AFF3: variants seen among roughly 807,000 people sequenced by gnomAD.
AFF3 encodes the protein AF4/FMR2 family member 3.
A neutral mutation model predicts 129.7 loss-of-function variants in AFF3; 32 were observed. The ratio of observed to expected loss-of-function variants is 0.25; its 90% CI spans 0.19 to 0.33. AFF3 has a LOEUF of 0.33. AFF3 is among the 10% of genes least tolerant of loss of function. The pLI is 1.00. For synonymous variants in AFF3, 644 were observed against 635.4 expected (o/e 1.01, Z -0.20); for missense variants, 1,373 against 1,592.0 (o/e 0.86, Z 2.34).
intron 7 of AFF3, among the ~76,000 whole-genome samples, chr2:99,873,881 T>G (rs1306751186): frequency 6.6e-6 from 1 of 152,036 alleles, no homozygotes; most frequent in South Asian, 2.1e-4. Context: ...TAGACTTCTC[T>G]TTAAGAAGCT....
intron 7 of AFF3, among the ~76,000 whole-genome samples, chr2:99,905,046 C>A (rs1332073671): frequency 6.6e-6 from 1 of 152,152 alleles, no homozygotes; most frequent in African/African-American, 2.4e-5. Flanking sequence ...GCCTTCTCCT[C>A]TGTGGCTGTC....
At chr2:99,947,755 G>T (rs1675775548) in intron 7 of AFF3, among the ~76,000 whole-genome samples, 2 of 152,084 alleles carry the variant, frequency 1.3e-5, no homozygotes, top group Non-Finnish European at 2.9e-5. Context: ...TCAGACGGAG[G>T]CATTCAGGAC....
intron 13 of AFF3, among the ~76,000 whole-genome samples, chr2:99,648,876 A>AACACTC (rs1183425993): frequency 3.0e-5 from 1 of 32,814 alleles, no homozygotes; most frequent in Non-Finnish European, 6.5e-5. Flanking sequence ...AGTTCCTCAA[A>AACACTC]ACACGCGCGC....
At chr2:99,579,887 T>C (rs1163013591) in intron 17 of AFF3, among the ~76,000 whole-genome samples, 1 of 152,230 alleles carries the variant, frequency 6.6e-6, no homozygotes, top group Non-Finnish European at 1.5e-5. Flanking sequence ...GAAATGCAAA[T>C]GGTTTCTCTG....
intron 2 of AFF3, among the ~76,000 whole-genome samples, chr2:100,127,579 T>C (rs564326787): frequency 2.6e-5 from 4 of 152,302 alleles, no homozygotes; most frequent in African/African-American, 7.2e-5. Flanking sequence ...ATGCCACTGC[T>C]GCACAAATGC....
At position 99,668,547 on chromosome 2, in the gene AFF3, CTTTTTG is replaced by C. The variant is rs112405009; in HGVS notation, c.1143+3985_1143+3990del. On this transcript the variant is annotated intron_variant, in intron 12 of 24. Transcript: ENST00000672756. ...GAGAATTCTGCTAAATAATTATCATCTTTTTGTTTTTGTTTTTGTTTTGTTTTTTTT... is the reference window on the plus strand; with the variant it reads ...GAGAATTCTGCTAAATAATTATCATCTTTTTGTTTTTGTTTTGTTTTTTTT... 4.3e-3 allele frequency among the ~76,000 whole-genome samples: 657 copies of C among 151,558 alleles called. 7 individuals are homozygous for C. The highest frequency in any genetic ancestry group is 0.015 in the African/African-American group (631 of 41,298).
At chr2:99,603,275 C>T (rs1290767475) in intron 13 of AFF3, among the ~76,000 whole-genome samples, 1 of 151,940 alleles carries the variant, frequency 6.6e-6, no homozygotes, top group East Asian at 1.9e-4. Context: ...GAGATGGTTA[C>T]TGTCATTGGA....
chr2:100,011,531 C>A lies in AFF3; in HGVS notation c.54-2599G>T, dbSNP rs1259460078. ...CTGCTGGCTGATGACTGAAATTCCA[C>A]AACTAGAGAGTCATTCCTCTGGTTT... On this transcript the variant is annotated intron_variant, in intron 4 of 24. Coordinates refer to ENST00000672756, the MANE Select transcript of AFF3 (RefSeq NM_001386135.1). The A allele has an allele frequency of 3.8e-6, 3 of 780,936 alleles. No homozygotes were observed. The South Asian group carries it at 4.0e-5, about 10-fold the overall frequency. 48.4% of individuals were successfully genotyped at this position (780,936 alleles called of 1,614,324 possible). A position where few individuals can be genotyped will look rare whatever the true frequency, so the allele number is the denominator to read the frequency against.
chr2:100,134,628 A>G (rs1692558292), intron 1 of AFF3, among the ~76,000 whole-genome samples: 3 of 152,206 alleles, frequency 2.0e-5, no homozygotes, highest in Non-Finnish European at 1.5e-5. Context: ...CAGCTTTATT[A>G]TCTCACATGA....
intron 8 of AFF3, among the ~76,000 whole-genome samples, chr2:99,830,262 C>T (rs1688416635): frequency 6.6e-6 from 1 of 151,522 alleles, no homozygotes; most frequent in Non-Finnish European, 1.5e-5. Flanking sequence ...ACATTCTGCA[C>T]ATGTATCCCA....
intron 12 of AFF3, among the ~76,000 whole-genome samples, chr2:99,670,079 A>G (rs1014671086): frequency 6.6e-6 from 1 of 152,214 alleles, no homozygotes; most frequent in African/African-American, 2.4e-5. Flanking sequence ...AGCAGAGAAC[A>G]GTTCAGAGGC....
chr2:99,683,667 C>T (rs1162310040), intron 11 of AFF3, among the ~76,000 whole-genome samples: 1 of 152,140 alleles, frequency 6.6e-6, no homozygotes, highest in Admixed American at 6.5e-5. Context: ...TCTCAAACCC[C>T]TGGGCTCAAG....
chr2:99,573,553 C>A (rs1421338911), intron 18 of AFF3, among the ~76,000 whole-genome samples: 1 of 152,210 alleles, frequency 6.6e-6, no homozygotes, highest in East Asian at 1.9e-4. Context: ...CTAAATCATG[C>A]TGCTAGGGAT....
chr2:99,621,402 G>A (rs1333443855), intron 13 of AFF3, among the ~76,000 whole-genome samples: 1 of 152,208 alleles, frequency 6.6e-6, no homozygotes, highest in African/African-American at 2.4e-5. Flanking sequence ...GCTGTGGGTA[G>A]AGATTTCTTA....
chr2:99,714,543 G>A (rs1678200876), intron 11 of AFF3, among the ~76,000 whole-genome samples: 1 of 151,846 alleles, frequency 6.6e-6, no homozygotes, highest in Non-Finnish European at 1.5e-5. Flanking sequence ...GGTCTCTGTG[G>A]ACGGACACCT....
At chr2:99,559,366 GAT>G (rs1257688660) in intron 21 of AFF3, among the ~76,000 whole-genome samples, 4 of 152,220 alleles carry the variant, frequency 2.6e-5, no homozygotes, top group African/African-American at 9.6e-5. Context: ...GCTGCCACCT[GAT>G]GTTACTGAAC....
intron 18 of AFF3, 68 bp from the exon 19 acceptor site, chr2:99,568,983 C>A: frequency 6.9e-7 from 1 of 1,439,614 alleles, no homozygotes; most frequent in Non-Finnish European, 9.8e-7. Context: ...AATATTCCTT[C>A]CTTTCACTCA....
intron 7 of AFF3, among the ~76,000 whole-genome samples, chr2:99,985,011 A>G (rs1679741131): frequency 6.6e-6 from 1 of 152,196 alleles, no homozygotes; most frequent in Non-Finnish European, 1.5e-5. Flanking sequence ...AGGAGGAAAA[A>G]AAATGGCTAC....
At chr2:99,925,652 C>T (rs1016042102) in intron 7 of AFF3, among the ~76,000 whole-genome samples, 2 of 152,220 alleles carry the variant, frequency 1.3e-5, no homozygotes, top group Non-Finnish European at 2.9e-5. Context: ...GGAAATATGT[C>T]TTTACATGCT....
Sources: allele counts gnomAD v4.1 joint callset (sites outside exome capture counted in the v4.1 genomes callset), GRCh38; gene constraint gnomAD v4.1.1; transcripts MANE v1.5; gene names NCBI Gene and HGNC (gene_info 2026-07-23, HGNC 2026-07-21).